BCL2: variants seen among roughly 807,000 people sequenced by gnomAD.
BCL2 encodes the protein apoptosis regulator Bcl-2.
BCL2 carries 1 observed loss-of-function variant against 14.2 expected under a neutral mutation model. That is an observed-to-expected ratio of 0.07 (90% CI 0.02 to 0.33). BCL2 has a LOEUF of 0.33. Among genes scored for constraint, BCL2 ranks in the 10% least tolerant of loss-of-function variants. The pLI, the probability that BCL2 is intolerant of heterozygous loss-of-function variation, is 0.99. For missense variants in BCL2, 247 were observed against 305.9 expected, an observed-to-expected ratio of 0.81 and a Z score of 1.44; for synonymous variants, 151 against 137.2, an observed-to-expected ratio of 1.10 and a Z score of -0.70.
rs1484048345 is a variant in BCL2 at position 63,149,199 on chromosome 18, C to T, written c.586-20440G>A. Reference sequence around the variant, plus strand: ...TGTTTTGTGGAGGACAATTTTTCCACGAATGGGGTGGGGGATCATTTCAGG... The same window carrying T: ...TGTTTTGTGGAGGACAATTTTTCCATGAATGGGGTGGGGGATCATTTCAGG... On this transcript the variant is annotated intron_variant, in intron 2 of 2. Coordinates refer to ENST00000333681, the MANE Select transcript of BCL2 (RefSeq NM_000633.3). This position sits in a 1 kb window ranked among gnomAD's most constrained non-coding sequence, Gnocchi z 4.2. Among the ~76,000 whole-genome samples the T allele has an allele frequency of 3.9e-5, 6 of 152,186 alleles. No homozygotes were observed. Among genetic ancestry groups the T allele is most frequent in the Non-Finnish European group, 5.9e-5 (4 of 68,032 alleles).
intron 2 of BCL2, among the ~76,000 whole-genome samples, chr18:63,240,570 C>A (rs1910972202): frequency 6.6e-6 from 1 of 152,198 alleles, no homozygotes; most frequent in South Asian, 2.1e-4. Context: ...TTGGATACTA[C>A]AATTTATAAA....
chr18:63,157,843 A>G (rs1914822024), intron 2 of BCL2, among the ~76,000 whole-genome samples: 1 of 152,222 alleles, frequency 6.6e-6, no homozygotes, highest in Admixed American at 6.5e-5. Context: ...CAGAGAAACA[A>G]ATACCGCTCA....
chr18:63,265,770 A>G (rs1911807275), intron 2 of BCL2, among the ~76,000 whole-genome samples: 1 of 152,214 alleles, frequency 6.6e-6, no homozygotes. Context: ...CTATAAATCA[A>G]TATGAAAAGA....
chr18:63,151,644 C>T (rs1477217438), intron 2 of BCL2, among the ~76,000 whole-genome samples: 2 of 152,160 alleles, frequency 1.3e-5, no homozygotes, highest in South Asian at 2.1e-4. Context: ...AAATGAAAAT[C>T]GGAGCTTATT....
At chr18:63,301,434 G>A (rs895708579) in intron 2 of BCL2, among the ~76,000 whole-genome samples, 3 of 152,126 alleles carry the variant, frequency 2.0e-5, no homozygotes, top group Non-Finnish European at 4.4e-5. Context: ...ACATACATAC[G>A]TATGCATATT....
At position 63,281,728 on chromosome 18, in the gene BCL2, GAA is replaced by G. The variant is rs1568256914; in HGVS notation, c.585+36352_585+36353del. Among the ~76,000 whole-genome samples the G allele has an allele frequency of 2.9e-4, 36 of 124,680 alleles. 1 individual carries two copies. Among genetic ancestry groups the G allele is most frequent in the African/African-American group, 8.9e-4 (31 of 34,720 alleles). 81.8% of individuals were successfully genotyped at this position (124,680 alleles called of 152,430 possible). The stretch of plus-strand genomic sequence containing the variant: ...AGAAAGAAAGAAAGAAAGAAAGAAA[GAA>G]AGAAAGAAAAAGAGAGAGGAAAGAA... On this transcript the variant is annotated intron_variant, in intron 2 of 2. Coordinates refer to ENST00000333681, the MANE Select transcript of BCL2 (RefSeq NM_000633.3).
At position 63,166,633 on chromosome 18, in the gene BCL2, G is replaced by A. The variant is rs1915051704; in HGVS notation, c.586-37874C>T. ...TAATGAACTGGTGTCCCTTAGAACAGTGTTAAACAGGAGTGAGCATTAACA... is the reference window on the plus strand; with the variant it reads ...TAATGAACTGGTGTCCCTTAGAACAATGTTAAACAGGAGTGAGCATTAACA... On this transcript the variant is annotated intron_variant, in intron 2 of 2. Coordinates refer to ENST00000333681, the MANE Select transcript of BCL2 (RefSeq NM_000633.3). Among the ~76,000 whole-genome samples the A allele has an allele frequency of 1.3e-5, 2 of 152,240 alleles. 1 individual carries two copies. Among genetic ancestry groups the A allele is most frequent in the South Asian group, 4.1e-4 (2 of 4,834 alleles).
At position 63,318,124 on chromosome 18, in the gene BCL2, C is replaced by G. The variant is rs764957396; in HGVS notation, c.543G>C (p.Leu181=). The stretch of plus-strand genomic sequence containing the variant: ...GGATCCAGGTGTGCAGGTGCCGGTT[C>G]AGGTACTCAGTCATCCACAGGGCGA... ...DNIALWMTEY[L]NRHLHTWIQD... Residue 181 remains leucine (L), a synonymous_variant, in exon 2 of 3, where the codon CTG becomes CTC. Coordinates refer to ENST00000333681, the MANE Select transcript of BCL2 (RefSeq NM_000633.3). This position sits in a 1 kb window ranked among gnomAD's most constrained non-coding sequence, Gnocchi z 7.4. 1 of 1,614,116 alleles carries G rather than the reference C, an allele frequency of 6.2e-7. No individual in the cohort carries two copies. The highest frequency in any genetic ancestry group is 8.5e-7 in the Non-Finnish European group (1 of 1,180,016).
intron 2 of BCL2, among the ~76,000 whole-genome samples, chr18:63,285,093 G>T (rs900467542): frequency 6.6e-6 from 1 of 152,238 alleles, no homozygotes; most frequent in African/African-American, 2.4e-5. Flanking sequence ...CCCACAGCTG[G>T]CTCACCTGCA....
At chr18:63,236,535 G>A (rs1398539443) in intron 2 of BCL2, among the ~76,000 whole-genome samples, 3 of 152,150 alleles carry the variant, frequency 2.0e-5, no homozygotes, top group South Asian at 4.1e-4. Context: ...TAGGGCAGGC[G>A]GGTGAAGAAG....
intron 2 of BCL2, among the ~76,000 whole-genome samples, chr18:63,221,156 G>T (rs1910381638): frequency 6.6e-6 from 1 of 152,218 alleles, no homozygotes; most frequent in African/African-American, 2.4e-5. Flanking sequence ...TGGGCAAGTG[G>T]TTTTATCAGT....
intron 2 of BCL2, among the ~76,000 whole-genome samples, chr18:63,282,446 T>C (rs1912345281): frequency 6.6e-6 from 1 of 152,222 alleles, no homozygotes; most frequent in Admixed American, 6.5e-5. Context: ...AAACGATCTG[T>C]CCAAATACCC....
At chr18:63,137,495 A>AT (rs1568212943) in intron 2 of BCL2, among the ~76,000 whole-genome samples, 1 of 152,170 alleles carries the variant, frequency 6.6e-6, no homozygotes, top group East Asian at 1.9e-4. Flanking sequence ...AATAGATAAT[A>AT]TTTTTTTAAA....
At chr18:63,286,042 T>C (rs546376683) in intron 2 of BCL2, among the ~76,000 whole-genome samples, 2 of 152,342 alleles carry the variant, frequency 1.3e-5, no homozygotes, top group South Asian at 2.1e-4. Flanking sequence ...CCTGCTCTTA[T>C]ACACATAAAA....
chr18:63,268,122 G>C (rs1033812052), intron 2 of BCL2, among the ~76,000 whole-genome samples: 1 of 152,338 alleles, frequency 6.6e-6, no homozygotes, highest in Non-Finnish European at 1.5e-5. Flanking sequence ...GCACACCACC[G>C]TGAGTAGCCT....
rs570241901 is a variant in BCL2 at position 63,193,277 on chromosome 18, C to T, written c.586-64518G>A. Reference sequence around the variant, plus strand: ...ACTACATTTCAAATGATGTTTTAAACATGTCCATTAAAGTGACATTTGTGT... The same window carrying T: ...ACTACATTTCAAATGATGTTTTAAATATGTCCATTAAAGTGACATTTGTGT... On this transcript the variant is annotated intron_variant, in intron 2 of 2. Coordinates refer to ENST00000333681, the MANE Select transcript of BCL2 (RefSeq NM_000633.3). Among the ~76,000 whole-genome samples the T allele has an allele frequency of 2.0e-5, 3 of 152,226 alleles. No individual in the cohort carries two copies. The South Asian group carries it at 6.2e-4, about 32-fold the overall frequency.
chr18:63,268,428 T>TGGGGCCAA (rs1260444563), intron 2 of BCL2, among the ~76,000 whole-genome samples: 1 of 152,220 alleles, frequency 6.6e-6, no homozygotes, highest in Non-Finnish European at 1.5e-5. Context: ...AGGTGAGGTC[T>TGGGGCCAA]GGGGCCAAGA....
At chr18:63,251,529 C>G (rs1256580151) in intron 2 of BCL2, among the ~76,000 whole-genome samples, 2 of 150,940 alleles carry the variant, frequency 1.3e-5, no homozygotes, top group African/African-American at 2.4e-5. Context: ...CCTGTAGTCC[C>G]AGCTACTGAG....
At chr18:63,194,872 C>T (rs1351645265) in intron 2 of BCL2, among the ~76,000 whole-genome samples, 1 of 152,184 alleles carries the variant, frequency 6.6e-6, no homozygotes, top group Non-Finnish European at 1.5e-5. Context: ...TAAGGCTTGC[C>T]TTGGACTCAG....
Sources: gnomAD v4.1 joint callset for allele counts (sites outside exome capture counted in the v4.1 genomes callset) on GRCh38, gnomAD v4.1.1 for gene constraint, Gnocchi (gnomAD v3.1) non-coding constraint, MANE v1.5 for transcripts, NCBI Gene and HGNC (gene_info 2026-07-23, HGNC 2026-07-21) for gene names.